NDUFAF5: variants seen among roughly 807,000 people sequenced by gnomAD.
NDUFAF5 encodes arginine-hydroxylase NDUFAF5, mitochondrial.
In NDUFAF5, 34 loss-of-function variants were observed where a neutral mutation model predicts 48.9. The ratio of observed to expected loss-of-function variants is 0.70; its 90% CI spans 0.53 to 0.93. NDUFAF5 has a LOEUF of 0.93. Among genes scored for constraint, NDUFAF5 ranks in the 40% least tolerant of loss-of-function variants. The pLI, the probability that NDUFAF5 is intolerant of heterozygous loss-of-function variation, is 0.00. For missense variants in NDUFAF5, 428 were observed against 427.5 expected, an observed-to-expected ratio of 1.00 and a Z score of -0.01; for synonymous variants, 153 against 150.6, an observed-to-expected ratio of 1.02 and a Z score of -0.12.
At chr20:13,809,887 A>C (rs1300199466) in intron 8 of NDUFAF5, among the ~76,000 whole-genome samples, 1 of 152,228 alleles carries the variant, frequency 6.6e-6, no homozygotes, top group Admixed American at 6.5e-5. Flanking sequence ...GGAGAAAGAC[A>C]TTTGAAGCTT....
intron 8 of NDUFAF5, among the ~76,000 whole-genome samples, chr20:13,809,293 T>C (rs1413974727): frequency 6.6e-6 from 1 of 152,034 alleles, no homozygotes; most frequent in Non-Finnish European, 1.5e-5. Context: ...ATGAAGGTAG[T>C]TGAGTTGGTT....
intron 7 of NDUFAF5, among the ~76,000 whole-genome samples, chr20:13,805,774 A>T (rs923591738): frequency 1.8e-4 from 27 of 151,510 alleles, no homozygotes; most frequent in Non-Finnish European, 4.0e-4. Flanking sequence ...CCTCATCTCT[A>T]AAAAAAAATT....
intron 9 of NDUFAF5, 84 bp from the exon 10 acceptor site, chr20:13,816,791 C>A (rs1986515733): frequency 1.1e-6 from 1 of 907,150 alleles, no homozygotes; most frequent in South Asian, 1.3e-5. Context: ...GTACCCATTT[C>A]TTTTTGAAGA....
chr20:13,793,093 A>G (rs1257265689), intron 3 of NDUFAF5, 87 bp from the exon 4 acceptor site: 2 of 1,433,774 alleles, frequency 1.4e-6, no homozygotes, highest in East Asian at 4.5e-5. Flanking sequence ...TGAAAATTAA[A>G]ATGTAATTAA....
chr20:13,789,393 G>C (rs139557759), intron 3 of NDUFAF5, among the ~76,000 whole-genome samples: 1,727 of 152,160 alleles, frequency 0.011, 31 homozygotes, highest in African/African-American at 0.04. Context: ...TTGAACTCCT[G>C]CCCTCAGGTG....
chr20:13,791,185 T>C lies in NDUFAF5; in HGVS notation c.328-1995T>C, dbSNP rs564256795. Among the ~76,000 whole-genome samples, 69 of 152,300 alleles carry C rather than the reference T, an allele frequency of 4.5e-4. 2 individuals carry two copies. The highest frequency in any genetic ancestry group is 4.0e-3 in the Admixed American group (61 of 15,290). ...TTGAGATGGCAGTGGAATATGGTAG[T>C]ATAAATAGCTGGCAGGTAGTTGGAA... On this transcript the variant is annotated intron_variant, in intron 3 of 10. Coordinates refer to ENST00000378106, the MANE Select transcript of NDUFAF5 (RefSeq NM_024120.5).
At chr20:13,813,306 T>C (rs1248667746) in intron 8 of NDUFAF5, among the ~76,000 whole-genome samples, 1 of 152,234 alleles carries the variant, frequency 6.6e-6, no homozygotes, top group Admixed American at 6.5e-5. Flanking sequence ...GCTTTCGTAA[T>C]GCTGCTTTTT....
In NDUFAF5 at chr20:13,816,812, T is replaced by A. The variant is rs552425850; in HGVS notation, c.863-63T>A. 8 of 1,072,138 alleles carry A rather than the reference T, an allele frequency of 7.5e-6. No homozygotes were observed. The East Asian group carries it at 1.9e-4, about 25-fold the overall frequency. The allele number at this position is 1,072,138 out of a possible 1,614,324, so 66.4% of individuals were successfully genotyped here. A position where few individuals can be genotyped will look rare whatever the true frequency, so the allele number is the denominator to read the frequency against. Reference sequence around the variant, plus strand: ...ATTTCTTTTTGAAGAACATGACCTTTATTGAGCAGAAATTTTTTCCTACTT... The same window carrying A: ...ATTTCTTTTTGAAGAACATGACCTTAATTGAGCAGAAATTTTTTCCTACTT... On this transcript the variant is annotated intron_variant, in intron 9 of 10. Transcript: ENST00000378106.
At chr20:13,813,712 G>A (rs1162096326) in intron 8 of NDUFAF5, among the ~76,000 whole-genome samples, 1 of 152,168 alleles carries the variant, frequency 6.6e-6, no homozygotes, top group Admixed American at 6.5e-5. Context: ...GCACCTAAAC[G>A]AAAATGAGTT....
intron 3 of NDUFAF5, among the ~76,000 whole-genome samples, chr20:13,792,134 A>G (rs1031897626): frequency 3.9e-5 from 6 of 152,214 alleles, no homozygotes; most frequent in African/African-American, 1.4e-4. Context: ...CAAATTTTCA[A>G]GTGAGAGACA....
chr20:13,793,085 A>C (rs1474396738), intron 3 of NDUFAF5, 95 bp from the exon 4 acceptor site: 1 of 1,387,794 alleles, frequency 7.2e-7, no homozygotes, highest in East Asian at 2.3e-5. Context: ...TACAAAGCTG[A>C]AAATTAAAAT....
intron 8 of NDUFAF5, among the ~76,000 whole-genome samples, chr20:13,810,612 G>GTT (rs1015567580): frequency 6.8e-6 from 1 of 146,592 alleles, no homozygotes. Context: ...AGATGAGGTT[G>GTT]TTTTTTTTTT....
intron 1 of NDUFAF5, 178 bp from the exon 2 acceptor site, chr20:13,787,134 C>G (rs981901013): frequency 1.6e-4 from 106 of 674,786 alleles, no homozygotes; most frequent in Middle Eastern, 1.3e-3. Context: ...AAATTGACTT[C>G]TGAAATAATT....
chr20:13,803,789 AT>A (rs540151502), intron 7 of NDUFAF5, among the ~76,000 whole-genome samples: 1,716 of 150,242 alleles, frequency 0.011, 38 homozygotes, highest in African/African-American at 0.033. Flanking sequence ...TTTTCTTTTA[AT>A]TTTTTTTTTG....
chr20:13,787,061 A>G (rs1981292363), intron 1 of NDUFAF5: 1 of 531,846 alleles, frequency 1.9e-6, no homozygotes. Context: ...GGCCACATAT[A>G]TATATGTGTG....
At chr20:13,806,608 G>A (rs1399809126) in intron 7 of NDUFAF5, among the ~76,000 whole-genome samples, 1 of 152,228 alleles carries the variant, frequency 6.6e-6, no homozygotes, top group East Asian at 1.9e-4. Flanking sequence ...TTTGATTGAA[G>A]TGGAGATAGT....
rs532021114 is a variant in NDUFAF5 at position 13,808,253 on chromosome 20, G to A, written c.718-589G>A. Among the ~76,000 whole-genome samples the A allele has an allele frequency of 3.9e-5, 6 of 152,274 alleles. No individual in the cohort carries two copies. The South Asian group carries it at 1.0e-3, about 26-fold the overall frequency. ...GTCAAGGAGCACCTGGATATTTGGGGAGCATCAGTGGTCTCTGCCACTGTA... is the reference window on the plus strand; with the variant it reads ...GTCAAGGAGCACCTGGATATTTGGGAAGCATCAGTGGTCTCTGCCACTGTA... On this transcript the variant is annotated intron_variant, in intron 7 of 10. Coordinates refer to ENST00000378106, the MANE Select transcript of NDUFAF5 (RefSeq NM_024120.5).
intron 6 of NDUFAF5, among the ~76,000 whole-genome samples, chr20:13,800,486 A>G (rs148396814): frequency 1.5e-4 from 23 of 152,334 alleles, no homozygotes; most frequent in Non-Finnish European, 2.8e-4. Context: ...CAATCAAACT[A>G]GTTACAGCTT....
intron 7 of NDUFAF5, among the ~76,000 whole-genome samples, chr20:13,808,275 T>G (rs1019203219): frequency 2.6e-5 from 4 of 152,206 alleles, no homozygotes; most frequent in African/African-American, 9.6e-5. Flanking sequence ...TCTCTGCCAC[T>G]GTACCAACAG....
Sources: gnomAD v4.1 joint callset for allele counts (sites outside exome capture counted in the v4.1 genomes callset) on GRCh38, gnomAD v4.1.1 for gene constraint, MANE v1.5 for transcripts, NCBI Gene and HGNC (gene_info 2026-07-23, HGNC 2026-07-21) for gene names.